Variants in MSRB3 observed in about 807,000 individuals in gnomAD.
MSRB3 encodes the protein methionine-R-sulfoxide reductase B3.
Under a neutral mutation model 21.0 loss-of-function variants are expected in MSRB3, and 13 were observed. The observed-to-expected ratio is 0.62, with a 90% confidence interval of 0.40 to 0.98. The LOEUF (loss-of-function observed/expected upper bound fraction) is 0.98. Ranked by LOEUF, MSRB3 falls within the 50% of genes least tolerant of loss-of-function variation. The pLI is 0.00. For synonymous variants in MSRB3, 87 were observed against 88.6 expected (o/e 0.98, Z 0.10); for missense variants, 199 against 230.3 (o/e 0.86, Z 0.88).
At chr12:65,461,406 C>A (rs1883324678) in intron 6 of MSRB3, among the ~76,000 whole-genome samples, 1 of 152,096 alleles carries the variant, frequency 6.6e-6, no homozygotes, top group African/African-American at 2.4e-5. Context: ...TAAAATAATA[C>A]AAGATTTGTT....
intron 4 of MSRB3, among the ~76,000 whole-genome samples, chr12:65,352,897 A>G (rs952256903): frequency 2.6e-5 from 4 of 151,796 alleles, no homozygotes; most frequent in African/African-American, 9.7e-5. Context: ...GCCCAAGGTA[A>G]TTTACAGATT....
Position 65,326,864 on chromosome 12 carries a change from T to C in MSRB3, c.115T>C (p.Ser39Pro), listed in dbSNP as rs1875073808. The change falls in exon 3 of 7, where the codon TCC becomes CCC. Residue 39 changes from serine to proline, a missense_variant. Coordinates refer to ENST00000308259, the MANE Select transcript of MSRB3 (RefSeq NM_001031679.3). Reference protein sequence around the residue: ...RDKKNCKVVFSQQELRKRLTP... With the variant: ...RDKKNCKVVFPQQELRKRLTP... ...TAAAAAGAACTGTAAGGTGGTCTTT[T>C]CCCAGCAGGAACTGAGGAAGCGGCT... 6.2e-7 allele frequency: 1 copy of C among 1,613,748 alleles called. No individual in the cohort carries two copies. Among genetic ancestry groups the C allele is most frequent in the African/African-American group, 1.3e-5 (1 of 74,864 alleles).
In MSRB3 at chr12:65,463,354, T is replaced by G; in HGVS notation, c.*32T>G. 6.2e-7 allele frequency: 1 copy of G among 1,612,646 alleles called. No individual in the cohort carries two copies. The highest frequency in any genetic ancestry group is 8.5e-7 in the Non-Finnish European group (1 of 1,178,822). ...GGAGAGTGATGGAAACAAAGTGTACTTAATGCACAGCTTATTAAAAAAATC... is the reference window on the plus strand; with the variant it reads ...GGAGAGTGATGGAAACAAAGTGTACGTAATGCACAGCTTATTAAAAAAATC... On this transcript the variant is annotated 3_prime_UTR_variant, in exon 7 of 7. Transcript: ENST00000308259.
intron 1 of MSRB3, among the ~76,000 whole-genome samples, chr12:65,280,772 C>A (rs969927518): frequency 6.6e-6 from 1 of 152,138 alleles, no homozygotes. Context: ...CAACACACTG[C>A]TTTTTGTTTT....
chr12:65,335,068 G>T (rs1046782600), intron 4 of MSRB3, among the ~76,000 whole-genome samples: 1 of 152,060 alleles, frequency 6.6e-6, no homozygotes, highest in Non-Finnish European at 1.5e-5. Context: ...AGCTAGTGGC[G>T]CCTGCTGAAT....
At chr12:65,386,705 A>G in intron 5 of MSRB3, among the ~76,000 whole-genome samples, 1 of 152,064 alleles carries the variant, frequency 6.6e-6, no homozygotes, top group East Asian at 1.9e-4. Context: ...CTTTAAGAGT[A>G]GTATTTTTAA....
intron 1 of MSRB3, chr12:65,306,950 A>T: frequency 1.0e-6 from 1 of 985,868 alleles, no homozygotes; most frequent in Non-Finnish European, 1.2e-6. Flanking sequence ...GCTGCCTGGT[A>T]CAGGAGTTGA....
chr12:65,419,892 C>G (rs1881191149), intron 5 of MSRB3: 2 of 623,764 alleles, frequency 3.2e-6, no homozygotes, highest in South Asian at 2.9e-5. Flanking sequence ...GATCCGGGAA[C>G]CAGAGCCCCC....
chr12:65,331,613 A>T (rs1259474722), intron 4 of MSRB3, among the ~76,000 whole-genome samples: 1 of 152,198 alleles, frequency 6.6e-6, no homozygotes, highest in Middle Eastern at 3.2e-3. Flanking sequence ...TCCACTACCA[A>T]ACCATGTGAG....
chr12:65,338,783 A>G (rs1875949749), intron 4 of MSRB3, among the ~76,000 whole-genome samples: 1 of 152,200 alleles, frequency 6.6e-6, no homozygotes, highest in Non-Finnish European at 1.5e-5. Flanking sequence ...GAAGAGAGGT[A>G]AAGATTCCAG....
At chr12:65,370,674 T>TA (rs1356630611) in intron 5 of MSRB3, among the ~76,000 whole-genome samples, 2 of 152,200 alleles carry the variant, frequency 1.3e-5, no homozygotes, top group Non-Finnish European at 2.9e-5. Flanking sequence ...TGAAAATAGT[T>TA]ATAACAGCTG....
At chr12:65,426,709 A>G (rs994769021) in intron 5 of MSRB3, among the ~76,000 whole-genome samples, 1 of 152,122 alleles carries the variant, frequency 6.6e-6, no homozygotes, top group African/African-American at 2.4e-5. Flanking sequence ...CTATCTGATA[A>G]ATCCCTTAAG....
intron 5 of MSRB3, chr12:65,419,883 A>T: frequency 1.6e-6 from 1 of 642,272 alleles, no homozygotes. Context: ...GGACATGGAG[A>T]TCCGGGAACC....
intron 1 of MSRB3, among the ~76,000 whole-genome samples, chr12:65,289,720 C>G (rs1872571390): frequency 6.6e-6 from 1 of 151,902 alleles, no homozygotes; most frequent in Non-Finnish European, 1.5e-5. Context: ...TCAAATAGGC[C>G]CCAGTGTCGA....
At chr12:65,290,430 T>G (rs1176982312) in intron 1 of MSRB3, among the ~76,000 whole-genome samples, 1 of 152,206 alleles carries the variant, frequency 6.6e-6, no homozygotes, top group Non-Finnish European at 1.5e-5. Flanking sequence ...TTTAAGATAT[T>G]TAAACATTTC....
intron 5 of MSRB3, among the ~76,000 whole-genome samples, chr12:65,398,250 T>A (rs1879923306): frequency 6.6e-6 from 1 of 152,220 alleles, no homozygotes. Flanking sequence ...TTCCTATTTC[T>A]CTACATCCTC....
At chr12:65,440,247 G>A (rs534576329) in intron 5 of MSRB3, among the ~76,000 whole-genome samples, 13 of 151,582 alleles carry the variant, frequency 8.6e-5, no homozygotes, top group South Asian at 2.1e-4. Flanking sequence ...TAATTCAGGG[G>A]GAGGAACTCT....
At chr12:65,389,857 T>G (rs1311121319) in intron 5 of MSRB3, among the ~76,000 whole-genome samples, 1 of 152,228 alleles carries the variant, frequency 6.6e-6, no homozygotes. Flanking sequence ...TATGGGATAA[T>G]TGCCACTAAA....
chr12:65,309,285 A>T, intron 2 of MSRB3, among the ~76,000 whole-genome samples: 1 of 152,206 alleles, frequency 6.6e-6, no homozygotes, highest in Non-Finnish European at 1.5e-5. Context: ...CTGTATCATA[A>T]GCTTAATATT....
Sources: gnomAD v4.1 joint callset for allele counts (sites outside exome capture counted in the v4.1 genomes callset) on GRCh38, gnomAD v4.1.1 for gene constraint, MANE v1.5 for transcripts, NCBI Gene and HGNC (gene_info 2026-07-23, HGNC 2026-07-21) for gene names.